GALNT13: variants seen among roughly 807,000 people sequenced by gnomAD.
GALNT13 encodes polypeptide N-acetylgalactosaminyltransferase 13.
Under a neutral mutation model 64.2 loss-of-function variants are expected in GALNT13, and 28 were observed. The observed-to-expected ratio is 0.44, with a 90% CI of 0.32 to 0.60. GALNT13 has a LOEUF of 0.60. GALNT13 is among the 20% of genes least tolerant of loss of function. The pLI, the probability that GALNT13 is intolerant of heterozygous loss-of-function variation, is 0.05. For synonymous variants in GALNT13, 214 were observed against 224.6 expected, an observed-to-expected ratio of 0.95 and a Z score of 0.42; for missense variants, 577 against 669.8, an observed-to-expected ratio of 0.86 and a Z score of 1.53.
chr2:153,121,302 T>C, the GALNT13 span, among the ~76,000 whole-genome samples: 4 of 152,342 alleles, frequency 2.6e-5, no homozygotes, highest in Admixed American at 2.6e-4. Flanking sequence ...CCATTCCTCC[T>C]GTGGAAATTA....
chr2:153,571,753 T>C, the GALNT13 span, among the ~76,000 whole-genome samples: 1 of 152,080 alleles, frequency 6.6e-6, no homozygotes, highest in Admixed American at 6.6e-5. Context: ...TCACTTTGAC[T>C]AATTTGCAAA....
chr2:153,421,795 G>T, the GALNT13 span: 1 of 191,180 alleles, frequency 5.2e-6, no homozygotes. Context: ...AAACTTGCCT[G>T]CTCACTGAAG....
At chr2:153,321,972 T>TTGTG in the GALNT13 span, among the ~76,000 whole-genome samples, 61,525 of 149,126 alleles carry the variant, frequency 0.41, 14,032 homozygotes, top group Non-Finnish European at 0.54. Context: ...GTGTGTAAAG[T>TTGTG]TGTGTGTGTG....
At chr2:153,575,456 G>T in the GALNT13 span, among the ~76,000 whole-genome samples, 1 of 152,182 alleles carries the variant, frequency 6.6e-6, no homozygotes, top group Admixed American at 6.5e-5. Flanking sequence ...TCTCTTCAAG[G>T]TGGTGAGTAC....
At chr2:153,195,572 C>T in the GALNT13 span, among the ~76,000 whole-genome samples, 2 of 152,202 alleles carry the variant, frequency 1.3e-5, no homozygotes, top group Non-Finnish European at 2.9e-5. Context: ...AGCCTGGAGA[C>T]ACCGGGAACT....
At chr2:153,360,075 C>A in the GALNT13 span, among the ~76,000 whole-genome samples, 1 of 152,204 alleles carries the variant, frequency 6.6e-6, no homozygotes, top group South Asian at 2.1e-4. Context: ...GCGAATCCTG[C>A]ACTGGCAACT....
Position 154,212,417 on chromosome 2 carries a change from T to C in GALNT13, c.312-29613T>C, listed in dbSNP as rs1335120008. Among the ~76,000 whole-genome samples, 3 of 152,172 alleles carry C rather than the reference T, an allele frequency of 2.0e-5. No individual in the cohort carries two copies. The East Asian group carries it at 5.8e-4, about 30-fold the overall frequency. On this transcript the variant is annotated intron_variant, in intron 4 of 12. Coordinates refer to ENST00000392825, the MANE Select transcript of GALNT13 (RefSeq NM_052917.4). ...CGCCACCACGCCCGGCTAACTTTTG[T>C]ATTTTTAGTAGAGACAAGGTTTCAC... is the stretch of plus-strand genomic sequence containing the variant.
At chr2:153,348,355 G>A in the GALNT13 span, among the ~76,000 whole-genome samples, 1 of 152,190 alleles carries the variant, frequency 6.6e-6, no homozygotes, top group Non-Finnish European at 1.5e-5. Context: ...GAGATGCAGG[G>A]AAGTGGATTA....
chr2:153,743,870 C>T, the GALNT13 span, among the ~76,000 whole-genome samples: 1 of 152,034 alleles, frequency 6.6e-6, no homozygotes. Flanking sequence ...TCTCTTTCTC[C>T]ATAAGTTCAA....
At chr2:153,464,583 C>T in the GALNT13 span, among the ~76,000 whole-genome samples, 1 of 151,978 alleles carries the variant, frequency 6.6e-6, no homozygotes, top group Admixed American at 6.6e-5. Context: ...ACTCTGAGGA[C>T]AGGACATAAA....
intron 3 of GALNT13, among the ~76,000 whole-genome samples, chr2:153,958,413 C>T (rs1409090612): frequency 3.3e-5 from 5 of 152,176 alleles, no homozygotes; most frequent in Admixed American, 6.5e-5. Flanking sequence ...GAAAAGAAGT[C>T]TAATTGTAAA....
At chr2:154,246,407 CT>C (rs1689782739) in intron 7 of GALNT13, among the ~76,000 whole-genome samples, 1 of 152,020 alleles carries the variant, frequency 6.6e-6, no homozygotes, top group South Asian at 2.1e-4. Context: ...GGTTATCTTC[CT>C]TATAGATTCT....
At chr2:153,070,038 C>A in the GALNT13 span, among the ~76,000 whole-genome samples, 1 of 152,122 alleles carries the variant, frequency 6.6e-6, no homozygotes, top group Non-Finnish European at 1.5e-5. Context: ...CTTACTCACT[C>A]AGAATTTTTT....
chr2:153,316,146 A>G, the GALNT13 span, among the ~76,000 whole-genome samples: 1 of 152,096 alleles, frequency 6.6e-6, no homozygotes, highest in African/African-American at 2.4e-5. Flanking sequence ...AAGAAAACAA[A>G]AAAAAGACTG....
intron 10 of GALNT13, among the ~76,000 whole-genome samples, chr2:154,401,910 G>T (rs1014891933): frequency 1.3e-5 from 2 of 152,072 alleles, no homozygotes; most frequent in East Asian, 1.9e-4. Context: ...AATTGTTTCA[G>T]TATACAGATT....
intron 2 of GALNT13, among the ~76,000 whole-genome samples, chr2:153,907,316 T>A (rs1252876677): frequency 6.6e-6 from 1 of 151,712 alleles, no homozygotes; most frequent in Non-Finnish European, 1.5e-5. Flanking sequence ...TAAGATTATA[T>A]ATATACACAC....
the GALNT13 span, among the ~76,000 whole-genome samples, chr2:153,407,616 C>G: frequency 2.0e-5 from 3 of 152,156 alleles, no homozygotes; most frequent in African/African-American, 7.2e-5. Flanking sequence ...AGCTCTCACC[C>G]GAGCTGCATC....
the GALNT13 span, among the ~76,000 whole-genome samples, chr2:153,119,173 C>T: frequency 6.6e-6 from 1 of 152,016 alleles, no homozygotes; most frequent in South Asian, 2.1e-4. Context: ...AACCTCTTTC[C>T]TTTATAAATG....
the GALNT13 span, among the ~76,000 whole-genome samples, chr2:153,412,486 CA>C: frequency 6.6e-6 from 1 of 152,156 alleles, no homozygotes; most frequent in Non-Finnish European, 1.5e-5. Flanking sequence ...CAGCTCATCT[CA>C]AAATAGATGA....
Sources: allele counts gnomAD v4.1 joint callset (sites outside exome capture counted in the v4.1 genomes callset), GRCh38; gene constraint gnomAD v4.1.1; transcripts MANE v1.5; gene names NCBI Gene and HGNC (gene_info 2026-07-23, HGNC 2026-07-21).